The following CD2AP variants were observed in gnomAD, a reference collection of about 807,000 sequenced individuals.
CD2AP encodes the protein CD2 associated protein, also known as CD2-associated protein.
CD2AP carries 46 observed loss-of-function variants against 85.1 expected under a neutral mutation model. The ratio of observed to expected loss-of-function variants is 0.54; its 90% CI spans 0.43 to 0.69. The LOEUF (loss-of-function observed/expected upper bound fraction) is 0.69, where lower values mean the gene tolerates loss of function less well. CD2AP is among the 30% of genes least tolerant of loss of function. The pLI, the probability that CD2AP is intolerant of heterozygous loss-of-function variation, is 0.00. For synonymous variants in CD2AP, 255 were observed against 252.9 expected, an observed-to-expected ratio of 1.01 and a Z score of -0.08; for missense variants, 769 against 729.5, an observed-to-expected ratio of 1.05 and a Z score of -0.62.
chr6:47,578,317 CAGCCTCCTAAGTAGCTGAGACT>C (rs1456511976), intron 8 of CD2AP, among the ~76,000 whole-genome samples: 2 of 151,968 alleles, frequency 1.3e-5, no homozygotes, highest in Non-Finnish European at 2.9e-5. Flanking sequence ...CCTCCTGCCT[CAGCCTCCTAAGTAGCTGAGACT>C]ACTACAGTTG....
At chr6:47,592,327 A>G (rs1271702335) in intron 11 of CD2AP, among the ~76,000 whole-genome samples, 2 of 152,076 alleles carry the variant, frequency 1.3e-5, no homozygotes, top group Non-Finnish European at 2.9e-5. Flanking sequence ...GCCCTACCCC[A>G]CACTGTAAGC....
In CD2AP at chr6:47,606,179, G is replaced by C. The variant is rs751844168; in HGVS notation, c.1432G>C (p.Asp478His). The C allele has an allele frequency of 6.3e-6, 10 of 1,575,784 alleles. No homozygotes were observed. The highest frequency in any genetic ancestry group is 8.7e-6 in the Non-Finnish European group (10 of 1,145,510). ...TTATTTTCTAGATGTTGTAAATTTT[G>C]ATGACATAGCTTCCTCAGAAAACTT... ...TSKETDVVNF[D>H]DIASSENLLH... Residue 478 changes from aspartate (D) to histidine (H), a missense_variant, in exon 14 of 18, where the codon GAT becomes CAT. Transcript: ENST00000359314.
Position 47,564,533 on chromosome 6 carries a change from C to G in CD2AP, c.542-9531C>G, listed in dbSNP as rs564605641. Among the ~76,000 whole-genome samples the G allele has an allele frequency of 4.6e-5, 7 of 152,184 alleles. No individual in the cohort carries two copies. In the South Asian group the frequency reaches 1.4e-3, roughly 32 times the overall value. On this transcript the variant is annotated intron_variant, in intron 5 of 17. Transcript: ENST00000359314. ...CAGAATTTTATCTGTTAGAAATACC[C>G]TTCCTTCTTTGTTTAACCCTTTTAC...
At chr6:47,541,506 A>G (rs1025094050) in intron 3 of CD2AP, among the ~76,000 whole-genome samples, 4 of 152,228 alleles carry the variant, frequency 2.6e-5, no homozygotes, top group African/African-American at 9.6e-5. Flanking sequence ...AGGAAGGGGA[A>G]AAAACCTTAC....
rs987526270 is a variant in CD2AP, at chr6:47,478,155, G to A, written c.-90G>A. On this transcript the variant is annotated 5_prime_UTR_variant, in exon 1 of 18. Transcript: ENST00000359314. ...GGGGCTAGCGCGGAGCGCGGGTCCC[G>A]CCTCCAGCCGCGGGAGCGGCCGCGC... The A allele has an allele frequency of 1.3e-6, 2 of 1,507,694 alleles. No homozygotes were observed. The highest frequency in any genetic ancestry group is 1.8e-6 in the Non-Finnish European group (2 of 1,109,842). The allele number at this position is 1,507,694 out of a possible 1,614,324, so 93.4% of individuals were successfully genotyped here. A position where few individuals can be genotyped will look rare whatever the true frequency, so the allele number is the denominator to read the frequency against.
At chr6:47,499,948 C>G (rs551484011) in intron 1 of CD2AP, among the ~76,000 whole-genome samples, 106 of 152,226 alleles carry the variant, frequency 7.0e-4, no homozygotes, top group African/African-American at 2.5e-3. Flanking sequence ...AGGCTGGTCT[C>G]GAACTCCTGA....
chr6:47,513,731 C>T (rs1766377440), intron 2 of CD2AP, among the ~76,000 whole-genome samples: 1 of 151,796 alleles, frequency 6.6e-6, no homozygotes, highest in Non-Finnish European at 1.5e-5. Flanking sequence ...ATTAGAACTT[C>T]AGTAAACATC....
intron 13 of CD2AP, among the ~76,000 whole-genome samples, chr6:47,601,817 G>A (rs1769145497): frequency 1.3e-5 from 2 of 151,864 alleles, no homozygotes; most frequent in Admixed American, 1.3e-4. Flanking sequence ...TTCATTATTA[G>A]GCAACGTAAT....
chr6:47,530,658 A>G (rs1019364504), intron 2 of CD2AP, among the ~76,000 whole-genome samples: 9 of 152,154 alleles, frequency 5.9e-5, no homozygotes, highest in African/African-American at 2.2e-4. Context: ...ATTCTTTTGT[A>G]AAATGTACAG....
chr6:47,609,739 A>C (rs911895298), intron 16 of CD2AP, among the ~76,000 whole-genome samples: 1 of 152,082 alleles, frequency 6.6e-6, no homozygotes, highest in Admixed American at 6.6e-5. Context: ...ATTTTCAAAG[A>C]AATTTTCATT....
At chr6:47,496,354 A>G (rs1582476004) in intron 1 of CD2AP, among the ~76,000 whole-genome samples, 1 of 151,886 alleles carries the variant, frequency 6.6e-6, no homozygotes, top group Non-Finnish European at 1.5e-5. Flanking sequence ...TTCTTTGATA[A>G]CCTTTGTTTT....
intron 1 of CD2AP, among the ~76,000 whole-genome samples, chr6:47,498,480 T>G (rs1765924775): frequency 6.6e-6 from 1 of 152,192 alleles, no homozygotes; most frequent in African/African-American, 2.4e-5. Context: ...TGTTTTAGGA[T>G]TATTTTCTTG....
intron 5 of CD2AP, among the ~76,000 whole-genome samples, chr6:47,564,328 G>T (rs370205017): frequency 2.7e-4 from 41 of 152,160 alleles, no homozygotes; most frequent in African/African-American, 9.9e-4. Context: ...TGAGTGAAAT[G>T]ATCTTTGTGA....
At chr6:47,585,202 C>G (rs945521366) in intron 11 of CD2AP, among the ~76,000 whole-genome samples, 17 of 150,654 alleles carry the variant, frequency 1.1e-4, no homozygotes, top group Non-Finnish European at 2.4e-4. Context: ...ACTCAGGAGG[C>G]TGAGGCAGGA....
intron 1 of CD2AP, among the ~76,000 whole-genome samples, chr6:47,498,940 G>A (rs1446350186): frequency 6.6e-6 from 1 of 152,076 alleles, no homozygotes; most frequent in Non-Finnish European, 1.5e-5. Flanking sequence ...AATTAACATT[G>A]ATTTGTAATC....
At chr6:47,484,515 T>G (rs1226968811) in intron 1 of CD2AP, among the ~76,000 whole-genome samples, 1 of 152,220 alleles carries the variant, frequency 6.6e-6, no homozygotes, top group Admixed American at 6.5e-5. Flanking sequence ...GAATAAACAA[T>G]GCTTTTAAAA....
At chr6:47,606,030 A>T in intron 13 of CD2AP, 135 bp from the exon 14 acceptor site, 1 of 615,526 alleles carries the variant, frequency 1.6e-6, no homozygotes, top group Non-Finnish European at 2.9e-6. Context: ...TATGAAAAGC[A>T]CAGGTCAATT....
At chr6:47,545,690 C>T (rs1305326116) in intron 4 of CD2AP, among the ~76,000 whole-genome samples, 2 of 152,142 alleles carry the variant, frequency 1.3e-5, no homozygotes, top group South Asian at 2.1e-4. Context: ...GTTCACATCA[C>T]GGGACTCTGT....
intron 16 of CD2AP, among the ~76,000 whole-genome samples, chr6:47,610,949 TTATA>T (rs10580325): frequency 1.5e-4 from 17 of 114,218 alleles, no homozygotes; most frequent in Admixed American, 2.6e-4. Flanking sequence ...TATTTCTGAT[TTATA>T]TATATATATA....
Sources: gnomAD v4.1 joint callset for allele counts (sites outside exome capture counted in the v4.1 genomes callset) on GRCh38, gnomAD v4.1.1 for gene constraint, MANE v1.5 for transcripts, NCBI Gene and HGNC (gene_info 2026-07-23, HGNC 2026-07-21) for gene names.